TMEM121B: variants seen among roughly 807,000 people sequenced by gnomAD.
TMEM121B encodes the protein transmembrane protein 121B, also known as cat eye syndrome chromosome region, candidate 6.
A neutral mutation model predicts 25.1 loss-of-function variants in TMEM121B; 14 were observed. The ratio of observed to expected loss-of-function variants is 0.56; its 90% CI spans 0.37 to 0.87. The LOEUF (loss-of-function observed/expected upper bound fraction) is 0.87. Ranked by LOEUF, TMEM121B falls within the 40% of genes least tolerant of loss-of-function variation. The pLI is 0.00. For synonymous variants in TMEM121B, 458 were observed against 420.9 expected (o/e 1.09, Z -1.08); for missense variants, 850 against 854.6 (o/e 0.99, Z 0.07).
rs1184744765 is a variant in TMEM121B at position 17,119,720 on chromosome 22, G to T, written c.1408C>A (p.Arg470Ser). 1 of 1,542,482 alleles carries T rather than the reference G, an allele frequency of 6.5e-7. No individual in the cohort carries two copies. The highest frequency in any genetic ancestry group is 8.7e-7 in the Non-Finnish European group (1 of 1,150,936). ...TCCACCAGGCAGCCGCCCAGCAGGC[G>T]CAGAAGGCGGCTGCAGCTGCCAGGC... Reference protein sequence around the residue: ...SGPGSCSRLLRLLGGCLVDVP... With the variant: ...SGPGSCSRLLSLLGGCLVDVP... The change falls in exon 1 of 1, where the codon CGC becomes AGC. Residue 470 changes from arginine (R) to serine (S), a missense_variant. Physicochemically the swap from Arg to Ser is moderately radical, Grantham distance 110. Coordinates refer to ENST00000331437, the MANE Select transcript of TMEM121B (RefSeq NM_031890.4).
In TMEM121B at chr22:17,116,515, G is replaced by C. The variant is rs1403005483; in HGVS notation, c.*2876C>G. 2 of 152,188 alleles carry C rather than the reference G, an allele frequency of 1.3e-5. No individual in the cohort carries two copies. Among genetic ancestry groups the C allele is most frequent in the Admixed American group, 1.3e-4 (2 of 15,282 alleles). 9.4% of individuals were successfully genotyped at this position (152,188 alleles called of 1,614,324 possible). A position where few individuals can be genotyped will look rare whatever the true frequency, so the allele number is the denominator to read the frequency against. Reference sequence around the variant, plus strand: ...GGTCTAGTCTTTTTAAAATAAGTAAGGATTTGGGGACTAACAGAGAGGAAG... The same window carrying C: ...GGTCTAGTCTTTTTAAAATAAGTAACGATTTGGGGACTAACAGAGAGGAAG... On this transcript the variant is annotated 3_prime_UTR_variant, in exon 1 of 1. Transcript: ENST00000331437.
rs2061476825 is a variant in TMEM121B at position 17,117,767 on chromosome 22, A to G, written c.*1624T>C. ...AGCCACAAACTCAAAAGAATGTGAGAGCTGAAATTACCTTCAACCTTAGAG... is the reference window on the plus strand; with the variant it reads ...AGCCACAAACTCAAAAGAATGTGAGGGCTGAAATTACCTTCAACCTTAGAG... On this transcript the variant is annotated 3_prime_UTR_variant, in exon 1 of 1. Coordinates refer to ENST00000331437, the MANE Select transcript of TMEM121B (RefSeq NM_031890.4). 6.6e-6 allele frequency: 1 copy of G among 152,224 alleles called. No individual in the cohort carries two copies. The highest frequency in any genetic ancestry group is 1.5e-5 in the Non-Finnish European group (1 of 68,032). The allele number at this position is 152,224 out of a possible 1,614,324, so 9.4% of individuals were successfully genotyped here. A position where few individuals can be genotyped will look rare whatever the true frequency, so the allele number is the denominator to read the frequency against.
In TMEM121B at chr22:17,120,002, G is replaced by A. The variant is rs560609218; in HGVS notation, c.1126C>T (p.Pro376Ser). 4.6e-5 allele frequency: 74 copies of A among 1,601,922 alleles called. 1 individual carries two copies. In the Middle Eastern group the frequency reaches 8.3e-4, roughly 18 times the overall value. Residue 376 changes from proline (P) to serine (S), a missense_variant, in exon 1 of 1, where the codon CCC (proline) becomes TCC (serine). By Grantham distance (74) the Pro-to-Ser change is moderately conservative. Transcript: ENST00000331437. The part of the protein sequence containing the change: ...LVRAISEAGA[P>S]PGSAGPLLLQ... ...AGCAGGGGTCCTGCCGATCCCGGGG[G>A]CGCGCCCGCCTCGCTGATGGCCCGC... is the stretch of plus-strand genomic sequence containing the variant.
At position 17,120,231 on chromosome 22, in the gene TMEM121B, C is replaced by A. The variant is rs752964876; in HGVS notation, c.897G>T (p.Gly299=). Residue 299 remains glycine, a synonymous_variant, in exon 1 of 1, where the codon GGG becomes GGT. Coordinates refer to ENST00000331437, the MANE Select transcript of TMEM121B (RefSeq NM_031890.4). ...CTGCCGCGGCCGCCCCCAGGCCGCC[C>A]CCCGCGCCGCCGGCGCCCCCGCGGG... is the stretch of plus-strand genomic sequence containing the variant. ...RGARGGAGGA[G]GGLGAAAAAG... is the part of the protein sequence containing the mutation. 4 of 1,292,918 alleles carry A rather than the reference C, an allele frequency of 3.1e-6. No individual in the cohort carries two copies. The highest frequency in any genetic ancestry group is 3.9e-6 in the Non-Finnish European group (4 of 1,022,698). The allele number at this position is 1,292,918 out of a possible 1,614,324, so 80.1% of individuals were successfully genotyped here.
In TMEM121B at chr22:17,120,144, C is replaced by G. The variant is rs757058211; in HGVS notation, c.984G>C (p.Lys328Asn). Residue 328 changes from lysine (K) to asparagine (N), a missense_variant, in exon 1 of 1, where the codon AAG (lysine) becomes AAC (asparagine). Coordinates refer to ENST00000331437, the MANE Select transcript of TMEM121B (RefSeq NM_031890.4). ...WLIYSIAFTP[K>N]VVLILGTSIL... ...TGGACGTGCCCAGGATCAGCACCAC[C>G]TTGGGAGTGAAGGCGATGGAGTAGA... 2 of 1,610,122 alleles carry G rather than the reference C, an allele frequency of 1.2e-6. No individual in the cohort carries two copies. The highest frequency in any genetic ancestry group is 1.7e-5 in the Admixed American group (1 of 59,934).
In TMEM121B at chr22:17,119,871, C is replaced by A. The variant is rs140508260; in HGVS notation, c.1257G>T (p.Pro419=). 26 of 1,571,082 alleles carry A rather than the reference C, an allele frequency of 1.7e-5. No individual in the cohort carries two copies. The African/African-American group carries it at 1.9e-4, about 11-fold the overall frequency. ...LVELMLEGRV[P]LPAHLRYLLI... is the part of the protein sequence containing the mutation. The stretch of plus-strand genomic sequence containing the variant: ...GCAGGTAGCGCAGGTGCGCGGGCAG[C>A]GGCACGCGGCCCTCCAGCATCAGCT... The change falls in exon 1 of 1, where the codon CCG becomes CCT. Residue 419 remains proline, a synonymous_variant. Coordinates refer to ENST00000331437, the MANE Select transcript of TMEM121B (RefSeq NM_031890.4).
Position 17,120,604 on chromosome 22 carries a change from C to T in TMEM121B, c.524G>A (p.Cys175Tyr). The T allele has an allele frequency of 7.3e-7, 1 of 1,361,360 alleles. No individual in the cohort carries two copies. The highest frequency in any genetic ancestry group is 9.5e-7 in the Non-Finnish European group (1 of 1,054,668). 84.3% of individuals were successfully genotyped at this position (1,361,360 alleles called of 1,614,324 possible). The change falls in exon 1 of 1, where the codon TGC (cysteine) becomes TAC (tyrosine). Residue 175 changes from cysteine (C) to tyrosine (Y), a missense_variant. Physicochemically the swap from Cys to Tyr is radical, Grantham distance 194. Coordinates refer to ENST00000331437, the MANE Select transcript of TMEM121B (RefSeq NM_031890.4). Reference protein sequence around the residue: ...GASCCPCCCCCGCPDRPGRRG... With the variant: ...GASCCPCCCCYGCPDRPGRRG... Reference sequence around the variant, plus strand: ...GCGGCCGGGGCGGTCTGGGCAGCCGCAGCAGCAGCAACACGGGCAGCAGGA... The same window carrying T: ...GCGGCCGGGGCGGTCTGGGCAGCCGTAGCAGCAGCAACACGGGCAGCAGGA...
rs1454517072 is a variant in TMEM121B at position 17,119,745 on chromosome 22, C to A, written c.1383G>T (p.Gly461=). 3 of 1,551,026 alleles carry A rather than the reference C, an allele frequency of 1.9e-6. No homozygotes were observed. Among genetic ancestry groups the A allele is most frequent in the Admixed American group, 1.9e-5 (1 of 52,352 alleles). ...AAAASWGQAS[G]PGSCSRLLRL... Reference sequence around the variant, plus strand: ...GCAGAAGGCGGCTGCAGCTGCCAGGCCCGGAGGCCTGGCCCCAGGATGCAG... The same window carrying A: ...GCAGAAGGCGGCTGCAGCTGCCAGGACCGGAGGCCTGGCCCCAGGATGCAG... The change falls in exon 1 of 1, where the codon GGG becomes GGT. Residue 461 remains glycine (G), a synonymous_variant. Transcript: ENST00000331437.
rs2061471729 is a variant in TMEM121B at position 17,116,750 on chromosome 22, TG to T, written c.*2640del. ...AGGAAGCTTTAGGGGTCATCGTGAC[TG>T]GGGCAGGGGAAGTGAGTGCAAGGAC... On this transcript the variant is annotated 3_prime_UTR_variant, in exon 1 of 1. Transcript: ENST00000331437. 1 of 152,340 alleles carries T rather than the reference TG, an allele frequency of 6.6e-6. No individual in the cohort carries two copies. Among genetic ancestry groups the T allele is most frequent in the Non-Finnish European group, 1.5e-5 (1 of 68,156 alleles). The allele number at this position is 152,340 out of a possible 1,614,324, so 9.4% of individuals were successfully genotyped here. A position where few individuals can be genotyped will look rare whatever the true frequency, so the allele number is the denominator to read the frequency against.
Position 17,121,024 on chromosome 22 carries a change from C to T in TMEM121B, c.104G>A (p.Gly35Asp). 5 of 1,468,652 alleles carry T rather than the reference C, an allele frequency of 3.4e-6. No individual in the cohort carries two copies. Among genetic ancestry groups the T allele is most frequent in the South Asian group, 2.6e-5 (2 of 77,832 alleles). The allele number at this position is 1,468,652 out of a possible 1,614,324, so 91.0% of individuals were successfully genotyped here. A position where few individuals can be genotyped will look rare whatever the true frequency, so the allele number is the denominator to read the frequency against. Residue 35 changes from glycine to aspartate, a missense_variant, in exon 1 of 1, where the codon GGC becomes GAC. Physicochemically the swap from Gly to Asp is moderately conservative, Grantham distance 94. Coordinates refer to ENST00000331437, the MANE Select transcript of TMEM121B (RefSeq NM_031890.4). ...GGAGCCTCTCCGGCCGCGGAAGGAG[C>T]CCCCGCGGAGGAAGAGGGGCTGCAG... ...ARLQPLFLRG[G>D]SFRGRRGSGD...
rs146044031 is a variant in TMEM121B, at chr22:17,120,060, C to T, written c.1068G>A (p.Met356Ile). ...TGTAGAGCAGGGGCACCGACAGCGC[C>T]ATGGTGAGACGGAAGCCCGTGGTGC... ...PFGTTGFRLT[M>I]ALSVPLLYSL... The change falls in exon 1 of 1, where the codon ATG becomes ATA. Residue 356 changes from methionine (M) to isoleucine (I), a missense_variant. Met to Ile is a conservative substitution (Grantham distance 10, BLOSUM62 1). Coordinates refer to ENST00000331437, the MANE Select transcript of TMEM121B (RefSeq NM_031890.4). 2.5e-6 allele frequency: 4 copies of T among 1,610,842 alleles called. No individual in the cohort carries two copies. The highest frequency in any genetic ancestry group is 3.4e-6 in the Non-Finnish European group (4 of 1,179,572).
rs1309030242 is a variant in TMEM121B, at chr22:17,119,612, A to G, written c.1516T>C (p.Phe506Leu). 3 of 1,542,988 alleles carry G rather than the reference A, an allele frequency of 1.9e-6. No homozygotes were observed. The highest frequency in any genetic ancestry group is 2.4e-5 in the South Asian group (2 of 84,494). ...GCCTCCAGGCCCCGGCAGCCGAGGAAGAAGAGGTTCTTGAGCATGAAGATG... is the reference window on the plus strand; with the variant it reads ...GCCTCCAGGCCCCGGCAGCCGAGGAGGAAGAGGTTCTTGAGCATGAAGATG... ...LSIFMLKNLF[F>L]LGCRGLEALE... is the part of the protein sequence containing the mutation. The change falls in exon 1 of 1, where the codon TTC (phenylalanine) becomes CTC (leucine). Residue 506 changes from phenylalanine (F) to leucine (L), a missense_variant. Transcript: ENST00000331437.
In TMEM121B at chr22:17,119,664, C is replaced by T. The variant is rs1393200107; in HGVS notation, c.1464G>A (p.Leu488=). 6 of 1,543,190 alleles carry T rather than the reference C, an allele frequency of 3.9e-6. No homozygotes were observed. The highest frequency in any genetic ancestry group is 1.4e-5 in the African/African-American group (1 of 73,498). Residue 488 remains leucine (L), a synonymous_variant, in exon 1 of 1, where the codon CTG becomes CTA. Coordinates refer to ENST00000331437, the MANE Select transcript of TMEM121B (RefSeq NM_031890.4). ...DVPLLALRCL[L]VVSYQQPLSI... Reference sequence around the variant, plus strand: ...AGAGGGGCTGCTGGTAGCTGACCACCAGGAGGCAGCGCAGCGCCAGCAAGG... The same window carrying T: ...AGAGGGGCTGCTGGTAGCTGACCACTAGGAGGCAGCGCAGCGCCAGCAAGG...
At position 17,119,797 on chromosome 22, in the gene TMEM121B, T is replaced by C. The variant is rs765592655; in HGVS notation, c.1331A>G (p.Tyr444Cys). 11 of 1,585,486 alleles carry C rather than the reference T, an allele frequency of 6.9e-6. No homozygotes were observed. ...LTLASPVLWL[Y>C]ELNAAAAAAA... ...CGCTGCGGCCGCGGCGTTGAGCTCG[T>C]AGAGCCAGAGCACCGGCGAGGCGAG... is the stretch of plus-strand genomic sequence containing the variant. Residue 444 changes from tyrosine to cysteine, a missense_variant, in exon 1 of 1, where the codon TAC becomes TGC. Transcript: ENST00000331437.
rs1006601271 is a variant in TMEM121B, at chr22:17,120,696, C to T, written c.432G>A (p.Gly144=). 11 of 1,189,224 alleles carry T rather than the reference C, an allele frequency of 9.2e-6. No individual in the cohort carries two copies. The highest frequency in any genetic ancestry group is 1.6e-5 in the African/African-American group (1 of 62,438). 73.7% of individuals were successfully genotyped at this position (1,189,224 alleles called of 1,614,324 possible). A position where few individuals can be genotyped will look rare whatever the true frequency, so the allele number is the denominator to read the frequency against. ...AADFGGGAAA[G]AVGGPGSRSA... Reference sequence around the variant, plus strand: ...AGCGGCTCCCGGGGCCCCCGACGGCCCCGGCCGCGGCGCCCCCGCCGAAGT... The same window carrying T: ...AGCGGCTCCCGGGGCCCCCGACGGCTCCGGCCGCGGCGCCCCCGCCGAAGT... The change falls in exon 1 of 1, where the codon GGG becomes GGA. Residue 144 remains glycine (G), a synonymous_variant. Transcript: ENST00000331437.
In TMEM121B at chr22:17,119,245, C is replaced by G; in HGVS notation, c.*146G>C. 4 of 1,269,696 alleles carry G rather than the reference C, an allele frequency of 3.2e-6. No individual in the cohort carries two copies. The highest frequency in any genetic ancestry group is 4.3e-6 in the Non-Finnish European group (4 of 930,742). 78.7% of individuals were successfully genotyped at this position (1,269,696 alleles called of 1,614,324 possible). Reference sequence around the variant, plus strand: ...GTCTCCCTCCAAGCCGTCCTCACCCCAGGGTGCAGAAGAACACCCTGGCCC... The same window carrying G: ...GTCTCCCTCCAAGCCGTCCTCACCCGAGGGTGCAGAAGAACACCCTGGCCC... On this transcript the variant is annotated 3_prime_UTR_variant, in exon 1 of 1. Transcript: ENST00000331437.
At position 17,119,419 on chromosome 22, in the gene TMEM121B, T is replaced by C; in HGVS notation, c.1709A>G (p.Asn570Ser). ...ENEGGAHGYV[N>S]TLAVASQN Reference sequence around the variant, plus strand: ...ATTCTGAGAGGCCACAGCCAGGGTGTTGACATAGCCATGAGCACCCCCCTC... The same window carrying C: ...ATTCTGAGAGGCCACAGCCAGGGTGCTGACATAGCCATGAGCACCCCCCTC... Residue 570 changes from asparagine to serine, a missense_variant, in exon 1 of 1, where the codon AAC becomes AGC. By Grantham distance (46) the Asn-to-Ser change is conservative (BLOSUM62 1). Coordinates refer to ENST00000331437, the MANE Select transcript of TMEM121B (RefSeq NM_031890.4). The C allele has an allele frequency of 2.5e-6, 4 of 1,606,626 alleles. No homozygotes were observed. Among genetic ancestry groups the C allele is most frequent in the Non-Finnish European group, 3.4e-6 (4 of 1,176,648 alleles).
chr22:17,119,282 A>C lies in TMEM121B; in HGVS notation c.*109T>G. ...GAACACCCTGGCCCTTAGCCCTGAAAAGGGTTACCTCTTCCAAATAGACCC... is the reference window on the plus strand; with the variant it reads ...GAACACCCTGGCCCTTAGCCCTGAACAGGGTTACCTCTTCCAAATAGACCC... On this transcript the variant is annotated 3_prime_UTR_variant, in exon 1 of 1. Coordinates refer to ENST00000331437, the MANE Select transcript of TMEM121B (RefSeq NM_031890.4). The C allele has an allele frequency of 1.3e-6, 2 of 1,494,220 alleles. No homozygotes were observed. The highest frequency in any genetic ancestry group is 4.9e-5 in the East Asian group (2 of 40,428). 92.6% of individuals were successfully genotyped at this position (1,494,220 alleles called of 1,614,324 possible). A position where few individuals can be genotyped will look rare whatever the true frequency, so the allele number is the denominator to read the frequency against.
rs1358809339 is a variant in TMEM121B, at chr22:17,119,694, G to A, written c.1434C>T (p.Asp478=). Residue 478 remains aspartate, a synonymous_variant, in exon 1 of 1, where the codon GAC becomes GAT. Coordinates refer to ENST00000331437, the MANE Select transcript of TMEM121B (RefSeq NM_031890.4). The part of the protein sequence containing the change: ...LLRLLGGCLV[D]VPLLALRCLL... ...GGCAGCGCAGCGCCAGCAAGGGCAC[G>A]TCCACCAGGCAGCCGCCCAGCAGGC... 13 of 1,542,000 alleles carry A rather than the reference G, an allele frequency of 8.4e-6. No individual in the cohort carries two copies. Among genetic ancestry groups the A allele is most frequent in the African/African-American group, 2.7e-5 (2 of 73,478 alleles).
Sources: allele counts gnomAD v4.1 joint callset, GRCh38; gene constraint gnomAD v4.1.1; transcripts MANE v1.5; gene names NCBI Gene and HGNC (gene_info 2026-07-23, HGNC 2026-07-21).